The following CACNA1E variants were observed in gnomAD, a reference collection of about 807,000 sequenced individuals.
CACNA1E encodes voltage-dependent R-type calcium channel subunit alpha-1E.
CACNA1E carries 40 observed loss-of-function variants against 259.2 expected under a neutral mutation model. The observed-to-expected ratio is 0.15, with a 90% CI of 0.12 to 0.20. The LOEUF (loss-of-function observed/expected upper bound fraction) is 0.20. Among genes scored for constraint, CACNA1E ranks in the 10% least tolerant of loss-of-function variants. The pLI is 1.00. For missense variants in CACNA1E, 1,874 were observed against 3,040.1 expected (o/e 0.62, Z 9.02); for synonymous variants, 1,104 against 1,138.5 (o/e 0.97, Z 0.61).
At chr1:181,783,034 G>A (rs892247340) in intron 39 of CACNA1E, among the ~76,000 whole-genome samples, 3 of 152,060 alleles carry the variant, frequency 2.0e-5, no homozygotes, top group East Asian at 1.9e-4. Context: ...TGTCTCCTCC[G>A]CTCTCCCCAT....
chr1:181,325,641 T>TTTTA (rs71571275), intron 1 of CACNA1E, among the ~76,000 whole-genome samples: 61,609 of 149,378 alleles, frequency 0.41, 13,436 homozygotes, highest in East Asian at 0.72. Flanking sequence ...AGTTTTTTAT[T>TTTTA]TTTATTTATT....
chr1:181,711,707 G>A (rs1653381561), intron 8 of CACNA1E, among the ~76,000 whole-genome samples: 2 of 152,182 alleles, frequency 1.3e-5, no homozygotes, highest in African/African-American at 4.8e-5. Flanking sequence ...GCCAGAAGAA[G>A]TTCTGGGAGA....
At chr1:181,508,482 T>C (rs564986545) in intron 1 of CACNA1E, among the ~76,000 whole-genome samples, 1 of 152,304 alleles carries the variant, frequency 6.6e-6, no homozygotes, top group Admixed American at 6.5e-5. Flanking sequence ...CATCTTTAAT[T>C]TGCAGGATGA....
intron 7 of CACNA1E, among the ~76,000 whole-genome samples, chr1:181,709,610 T>C (rs2102417166): frequency 6.6e-6 from 1 of 152,310 alleles, no homozygotes; most frequent in African/African-American, 2.4e-5. Flanking sequence ...CAGTGGGTGC[T>C]GGACTCCCTC....
At chr1:181,643,802 G>A (rs539321413) in intron 6 of CACNA1E, among the ~76,000 whole-genome samples, 7 of 152,300 alleles carry the variant, frequency 4.6e-5, no homozygotes, top group East Asian at 1.9e-4. Flanking sequence ...TCTTGGCAGC[G>A]GGGAGATGGT....
intron 1 of CACNA1E, among the ~76,000 whole-genome samples, chr1:181,402,503 T>C (rs1176790417): frequency 2.6e-5 from 4 of 152,188 alleles, no homozygotes; most frequent in African/African-American, 9.7e-5. Flanking sequence ...CTTGGGGCAG[T>C]CTGAGAGCTT....
chr1:181,454,099 A>G (rs959180029), intron 2 of CACNA1E, among the ~76,000 whole-genome samples: 2 of 152,130 alleles, frequency 1.3e-5, no homozygotes, highest in Non-Finnish European at 2.9e-5. Flanking sequence ...CATACAGTAG[A>G]CACTCATTAG....
chr1:181,341,844 G>A (rs1333851298), intron 1 of CACNA1E, among the ~76,000 whole-genome samples: 1 of 152,072 alleles, frequency 6.6e-6, no homozygotes, highest in African/African-American at 2.4e-5. Context: ...CATTCAAAAA[G>A]GTTTTATTGA....
At chr1:181,348,664 C>G (rs958548932) in intron 1 of CACNA1E, among the ~76,000 whole-genome samples, 19 of 152,192 alleles carry the variant, frequency 1.2e-4, no homozygotes, top group Admixed American at 2.0e-4. Context: ...ACACTCTCTT[C>G]TAGGAGATCC....
chr1:181,446,845 C>G (rs189135467), intron 2 of CACNA1E, among the ~76,000 whole-genome samples: 2 of 152,150 alleles, frequency 1.3e-5, no homozygotes, highest in East Asian at 3.9e-4. Context: ...TGTGTTATTT[C>G]CAGATCCTGT....
rs1654266418 is a variant in CACNA1E, at chr1:181,719,883, A to G, written c.1751+20A>G. The stretch of plus-strand genomic sequence containing the variant: ...AACCAAGTAAGTGATCAGAATTTGG[A>G]CTTTTCCCAATGTCTTTGAGAGTAG... On this transcript the variant is annotated intron_variant, in intron 13 of 47. Coordinates refer to ENST00000367573, the MANE Select transcript of CACNA1E (RefSeq NM_001205293.3). The G allele has an allele frequency of 7.3e-7, 1 of 1,367,306 alleles. No individual in the cohort carries two copies. Among genetic ancestry groups the G allele is most frequent in the Non-Finnish European group, 1.0e-6 (1 of 978,250 alleles). The allele number at this position is 1,367,306 out of a possible 1,614,324, so 84.7% of individuals were successfully genotyped here.
At chr1:181,603,195 C>A (rs1415937971) in intron 6 of CACNA1E, among the ~76,000 whole-genome samples, 2 of 152,220 alleles carry the variant, frequency 1.3e-5, no homozygotes, top group Non-Finnish European at 2.9e-5. Flanking sequence ...CAAACATTCA[C>A]AGAGCACATA....
chr1:181,739,435 G>A (rs1304435410), intron 25 of CACNA1E, among the ~76,000 whole-genome samples, 182 bp downstream of exon 25: 1 of 152,168 alleles, frequency 6.6e-6, no homozygotes, highest in Non-Finnish European at 1.5e-5. Flanking sequence ...CAGCTCACGT[G>A]ACCTGAGTGG....
intron 7 of CACNA1E, among the ~76,000 whole-genome samples, chr1:181,688,511 T>C (rs1451794802): frequency 6.6e-6 from 1 of 152,232 alleles, no homozygotes; most frequent in Non-Finnish European, 1.5e-5. Flanking sequence ...ATTGCTCTTT[T>C]CCCCTATCCT....
chr1:181,635,440 C>G (rs977444989), intron 6 of CACNA1E, among the ~76,000 whole-genome samples: 1 of 152,306 alleles, frequency 6.6e-6, no homozygotes, highest in East Asian at 1.9e-4. Flanking sequence ...TTTCCTCCTC[C>G]CCACTCAACC....
intron 2 of CACNA1E, among the ~76,000 whole-genome samples, chr1:181,434,666 G>A (rs1659952070): frequency 1.3e-5 from 2 of 152,172 alleles, no homozygotes; most frequent in African/African-American, 4.8e-5. Context: ...ACCTTGAAGT[G>A]GAAGTGAACT....
chr1:181,526,380 T>A (rs1383700413), intron 3 of CACNA1E, among the ~76,000 whole-genome samples: 1 of 151,404 alleles, frequency 6.6e-6, no homozygotes, highest in Non-Finnish European at 1.5e-5. Context: ...ACTGCCTTCC[T>A]AATTTATGTA....
At chr1:181,537,376 G>A (rs1477233908) in intron 3 of CACNA1E, among the ~76,000 whole-genome samples, 2 of 152,134 alleles carry the variant, frequency 1.3e-5, no homozygotes, top group African/African-American at 2.4e-5. Context: ...TGGGATTACA[G>A]GTGTGAGCCA....
chr1:181,725,418 A>G (rs191661107), intron 17 of CACNA1E, among the ~76,000 whole-genome samples: 74 of 152,320 alleles, frequency 4.9e-4, no homozygotes, highest in Non-Finnish European at 8.2e-4. Context: ...TGTGTACCTT[A>G]CAGGATTACT....
Sources: gnomAD v4.1 joint callset for allele counts (sites outside exome capture counted in the v4.1 genomes callset) on GRCh38, gnomAD v4.1.1 for gene constraint, MANE v1.5 for transcripts, NCBI Gene and HGNC (gene_info 2026-07-23, HGNC 2026-07-21) for gene names.